Variants in SDK1 observed in about 807,000 individuals in gnomAD.
SDK1 encodes the protein protein sidekick-1.
In SDK1, 157 loss-of-function variants were observed where a neutral mutation model predicts 245.5. The observed-to-expected ratio is 0.64, with a 90% CI of 0.56 to 0.73. SDK1 has a LOEUF of 0.73. Among genes scored for constraint, SDK1 ranks in the 30% least tolerant of loss-of-function variants. The pLI, the probability that SDK1 is intolerant of heterozygous loss-of-function variation, is 0.00. For synonymous variants in SDK1, 1,647 were observed against 1,278.5 expected (o/e 1.29, Z -6.15); for missense variants, 3,583 against 3,002.3 (o/e 1.19, Z -4.52).
At chr7:3,718,328 C>T (rs1753335368) in intron 4 of SDK1, among the ~76,000 whole-genome samples, 1 of 151,748 alleles carries the variant, frequency 6.6e-6, no homozygotes, top group African/African-American at 2.4e-5. Context: ...TGGTGAAACC[C>T]TGTCTCAAAA....
chr7:4,017,878 A>G (rs1453624563), intron 17 of SDK1, among the ~76,000 whole-genome samples: 1 of 152,238 alleles, frequency 6.6e-6, no homozygotes, highest in African/African-American at 2.4e-5. Context: ...CCCTGGAAAA[A>G]TTGACCAGAC....
intron 1 of SDK1, among the ~76,000 whole-genome samples, chr7:3,447,079 T>C (rs1161041760): frequency 2.6e-5 from 4 of 152,312 alleles, no homozygotes; most frequent in East Asian, 3.9e-4. Context: ...TGAAATCTTA[T>C]TAAAATCTCT....
intron 1 of SDK1, among the ~76,000 whole-genome samples, chr7:3,488,528 G>A (rs546695382): frequency 8.0e-4 from 122 of 152,178 alleles, no homozygotes; most frequent in Middle Eastern, 3.4e-3. Flanking sequence ...TTGACTTGAG[G>A]CTTAGTTTGT....
At chr7:3,403,001 C>T (rs1183513213) in intron 1 of SDK1, among the ~76,000 whole-genome samples, 1 of 152,076 alleles carries the variant, frequency 6.6e-6, no homozygotes, top group Non-Finnish European at 1.5e-5. Flanking sequence ...GTGGTGCTAT[C>T]TCGGCTCACT....
intron 32 of SDK1, among the ~76,000 whole-genome samples, chr7:4,170,558 C>T (rs150679797): frequency 1.1e-4 from 16 of 152,212 alleles, no homozygotes; most frequent in African/African-American, 3.6e-4. Flanking sequence ...GCCCCCACAT[C>T]TCTGGTGGTG....
chr7:3,741,828 A>T (rs1779483027), intron 4 of SDK1, among the ~76,000 whole-genome samples: 1 of 152,064 alleles, frequency 6.6e-6, no homozygotes, highest in Admixed American at 6.6e-5. Context: ...ACACACACAC[A>T]TAGATGCTTG....
At position 4,114,128 on chromosome 7, in the gene SDK1, C is replaced by G; in HGVS notation, c.3677C>G (p.Ala1226Gly). 6.2e-7 allele frequency: 1 copy of G among 1,614,222 alleles called. No homozygotes were observed. The highest frequency in any genetic ancestry group is 8.5e-7 in the Non-Finnish European group (1 of 1,180,042). ...WRSDLQSSAV[A>G]QVVSDRLERE... is the part of the protein sequence containing the mutation. Reference sequence around the variant, plus strand: ...TCAGACCTCCAGTCCTCAGCAGTGGCCCAAGTCGTCAGTGACCGGCTGGAG... The same window carrying G: ...TCAGACCTCCAGTCCTCAGCAGTGGGCCAAGTCGTCAGTGACCGGCTGGAG... Residue 1226 changes from alanine (A) to glycine (G), a missense_variant, in exon 25 of 45, where the codon GCC becomes GGC. Physicochemically the swap from Ala to Gly is moderately conservative, Grantham distance 60. Coordinates refer to ENST00000404826, the MANE Select transcript of SDK1 (RefSeq NM_152744.4).
At chr7:4,253,046 G>A (rs1200640723) in intron 44 of SDK1, among the ~76,000 whole-genome samples, 2 of 151,984 alleles carry the variant, frequency 1.3e-5, no homozygotes, top group African/African-American at 4.8e-5. Flanking sequence ...TCTGGTTAAA[G>A]TTTTGTCAAT....
At chr7:3,457,818 A>T (rs1780717011) in intron 1 of SDK1, among the ~76,000 whole-genome samples, 1 of 151,508 alleles carries the variant, frequency 6.6e-6, no homozygotes, top group Non-Finnish European at 1.5e-5. Flanking sequence ...GATTCCTTGG[A>T]CTCCATGTCT....
intron 5 of SDK1, among the ~76,000 whole-genome samples, chr7:3,863,424 A>C (rs1780744761): frequency 6.6e-6 from 1 of 152,226 alleles, no homozygotes; most frequent in Admixed American, 6.5e-5. Context: ...CAAAATATAT[A>C]TATTGCATAA....
rs181356085 is a variant in SDK1, at chr7:3,544,699, A to G, written c.299-74381A>G. Among the ~76,000 whole-genome samples the G allele has an allele frequency of 4.8e-4, 73 of 152,332 alleles. 1 individual carries two copies. The Middle Eastern group carries it at 0.014, about 28-fold the overall frequency. On this transcript the variant is annotated intron_variant, in intron 1 of 44. Transcript: ENST00000404826. ...CTGAAAACATCAGGAAAACTAGGAT[A>G]TGCTACAGCACTTACCAACCATAAA...
intron 34 of SDK1, among the ~76,000 whole-genome samples, chr7:4,176,317 A>G (rs942846272): frequency 2.6e-5 from 4 of 152,010 alleles, no homozygotes; most frequent in Non-Finnish European, 5.9e-5. Flanking sequence ...TCATGCAACC[A>G]TGCCTGGCTA....
intron 1 of SDK1, among the ~76,000 whole-genome samples, chr7:3,435,003 A>T (rs1361315592): frequency 6.6e-6 from 1 of 152,216 alleles, no homozygotes; most frequent in Non-Finnish European, 1.5e-5. Flanking sequence ...TAACTGTCAA[A>T]TCTCCGTCTG....
Position 4,114,285 on chromosome 7 carries a change from G to T in SDK1, c.3823+11G>T. 1 of 1,580,244 alleles carries T rather than the reference G, an allele frequency of 6.3e-7. No individual in the cohort carries two copies. The highest frequency in any genetic ancestry group is 8.6e-7 in the Non-Finnish European group (1 of 1,163,452). Reference sequence around the variant, plus strand: ...GGACGCGGGAGTCAGGTGAGGGGAAGGCGATTCCCATCCTGGAGACACCGC... The same window carrying T: ...GGACGCGGGAGTCAGGTGAGGGGAATGCGATTCCCATCCTGGAGACACCGC... On this transcript the variant is annotated intron_variant, in intron 25 of 44. Coordinates refer to ENST00000404826, the MANE Select transcript of SDK1 (RefSeq NM_152744.4).
Position 3,370,905 on chromosome 7 carries a change from G to A in SDK1, c.298+69021G>A, listed in dbSNP as rs1408457907. ...ACCTGCTCCTCCTCTGTCTCCACTA[G>A]CTCCTTTCTCTCCACTTTGACTTAA... On this transcript the variant is annotated intron_variant, in intron 1 of 44. Transcript: ENST00000404826. Among the ~76,000 whole-genome samples the A allele has an allele frequency of 2.0e-5, 3 of 152,086 alleles. No homozygotes were observed. The East Asian group carries it at 5.8e-4, about 29-fold the overall frequency.
chr7:4,193,209 AAT>A (rs567823054), intron 35 of SDK1, among the ~76,000 whole-genome samples: 4,715 of 128,184 alleles, frequency 0.037, 135 homozygotes, highest in African/African-American at 0.048. Flanking sequence ...TTTATATATT[AAT>A]ATATATATTG....
At chr7:3,618,785 A>T (rs1781847380) in intron 1 of SDK1, among the ~76,000 whole-genome samples, 1 of 152,232 alleles carries the variant, frequency 6.6e-6, no homozygotes, top group South Asian at 2.1e-4. Flanking sequence ...ATGTACAGGG[A>T]TTGTCCGATA....
intron 6 of SDK1, 29 bp downstream of exon 6, chr7:3,951,063 T>C: frequency 6.8e-7 from 1 of 1,461,140 alleles, no homozygotes; most frequent in South Asian, 1.1e-5. Context: ...GTGAGACTCC[T>C]AGTAAATATT....
intron 1 of SDK1, among the ~76,000 whole-genome samples, chr7:3,449,911 T>C (rs948974278): frequency 1.3e-5 from 2 of 152,138 alleles, no homozygotes; most frequent in Admixed American, 6.5e-5. Flanking sequence ...TATTAACAAT[T>C]AGCCACGTGT....
Sources: gnomAD v4.1 joint callset for allele counts (sites outside exome capture counted in the v4.1 genomes callset) on GRCh38, gnomAD v4.1.1 for gene constraint, MANE v1.5 for transcripts, NCBI Gene and HGNC (gene_info 2026-07-23, HGNC 2026-07-21) for gene names.